Variants in SEL1L3 observed in about 807,000 individuals in gnomAD.
SEL1L3 encodes the protein protein sel-1 homolog 3.
A neutral mutation model predicts 142.8 loss-of-function variants in SEL1L3; 76 were observed. That is an observed-to-expected ratio of 0.53 (90% CI 0.44 to 0.64). The LOEUF is 0.64. Ranked by LOEUF, SEL1L3 falls within the 30% of genes least tolerant of loss-of-function variation. The pLI is 0.00. For missense variants in SEL1L3, 1,262 were observed against 1,381.7 expected, an observed-to-expected ratio of 0.91 and a Z score of 1.37; for synonymous variants, 504 against 519.6, an observed-to-expected ratio of 0.97 and a Z score of 0.41.
rs1312834550 is a variant in SEL1L3, at chr4:25,779,134, G to A, written c.2527C>T (p.Leu843Phe). ...GHMEGTLWCSLYYITGNLETF... is the reference protein window; with the variant it reads ...GHMEGTLWCSFYYITGNLETF... Reference sequence around the variant, plus strand: ...TCCAGGTTGCCTGTGATATAGTAGAGAGAACACCACAAGGTCCCTTCCATG... The same window carrying A: ...TCCAGGTTGCCTGTGATATAGTAGAAAGAACACCACAAGGTCCCTTCCATG... Residue 843 changes from leucine to phenylalanine, a missense_variant, in exon 16 of 24, where the codon CTC (leucine) becomes TTC (phenylalanine). Physicochemically the swap from Leu to Phe is conservative, Grantham distance 22. Around this residue, in one of 3 missense-constraint regions of SEL1L3, gnomAD observed 435 missense variants for 559.2 expected, o/e 0.78. Transcript: ENST00000399878. 2 of 1,613,620 alleles carry A rather than the reference G, an allele frequency of 1.2e-6. No individual in the cohort carries two copies. Among genetic ancestry groups the A allele is most frequent in the Non-Finnish European group, 8.5e-7 (1 of 1,179,608 alleles).
intron 6 of SEL1L3, among the ~76,000 whole-genome samples, chr4:25,826,868 TG>T (rs1331716380): frequency 6.6e-6 from 1 of 152,162 alleles, no homozygotes; most frequent in African/African-American, 2.4e-5. Context: ...TTCACCATGT[TG>T]CCCAGCCTGG....
At chr4:25,810,688 C>T (rs1286741759) in intron 9 of SEL1L3, among the ~76,000 whole-genome samples, 2 of 152,126 alleles carry the variant, frequency 1.3e-5, no homozygotes, top group Non-Finnish European at 2.9e-5. Flanking sequence ...CTTCCGGAGT[C>T]CTGAACGTGG....
chr4:25,835,358 TC>T (rs767968921), intron 2 of SEL1L3, 35 bp from the exon 3 acceptor site: 1 of 1,608,738 alleles, frequency 6.2e-7, no homozygotes. Flanking sequence ...TTCAATTATA[TC>T]CAGAAAAACA....
intron 10 of SEL1L3, 91 bp from the exon 11 acceptor site, chr4:25,802,553 A>G: frequency 9.5e-7 from 1 of 1,052,274 alleles, no homozygotes; most frequent in South Asian, 1.6e-5. Flanking sequence ...CAATTCCTAT[A>G]TACAATCCTA....
At chr4:25,819,412 G>A (rs1186920090) in intron 8 of SEL1L3, among the ~76,000 whole-genome samples, 1 of 152,158 alleles carries the variant, frequency 6.6e-6, no homozygotes, top group Non-Finnish European at 1.5e-5. Context: ...AGATATCAAT[G>A]GCCCAAAACA....
At chr4:25,833,675 T>C (rs1715590145) in intron 3 of SEL1L3, 106 bp from the exon 4 acceptor site, 2 of 1,039,900 alleles carry the variant, frequency 1.9e-6, no homozygotes, top group Non-Finnish European at 1.4e-6. Context: ...AATGAATGGA[T>C]GAATTTGCCT....
the SEL1L3 span, chr4:25,719,103 G>A: frequency 3.9e-5 from 6 of 152,268 alleles, no homozygotes; most frequent in African/African-American, 1.4e-4. Flanking sequence ...TTGAACCCGG[G>A]AGGCGTAGGT....
the SEL1L3 span, among the ~76,000 whole-genome samples, chr4:25,731,256 T>C: frequency 1.3e-5 from 2 of 152,222 alleles, no homozygotes; most frequent in African/African-American, 4.8e-5. Flanking sequence ...AAGATGTTTG[T>C]TTTACTGGCC....
chr4:25,728,429 G>A, the SEL1L3 span, among the ~76,000 whole-genome samples: 1 of 152,058 alleles, frequency 6.6e-6, no homozygotes, highest in Admixed American at 6.6e-5. Context: ...ATCAACAGCA[G>A]CCCTCTGCTC....
rs60024973 is a variant in SEL1L3, at chr4:25,811,748, GTTTTT to G, written c.1564+6385_1564+6389del. 3.1e-3 allele frequency among the ~76,000 whole-genome samples: 374 copies of G among 121,624 alleles called. 2 individuals carry two copies. Among genetic ancestry groups the G allele is most frequent in the African/African-American group, 0.011 (361 of 33,290 alleles). 79.8% of individuals were successfully genotyped at this position (121,624 alleles called of 152,430 possible). On this transcript the variant is annotated intron_variant, in intron 9 of 23. Coordinates refer to ENST00000399878, the MANE Select transcript of SEL1L3 (RefSeq NM_015187.5). The stretch of plus-strand genomic sequence containing the variant: ...TATCTTTGAGGAGTTTTCTTTTCCT[GTTTTT>G]TTTTTTTTTTTTTGTTGTTGTTGTT...
chr4:25,757,647 C>T, intron 22 of SEL1L3, 41 bp from the exon 23 acceptor site: 3 of 1,561,488 alleles, frequency 1.9e-6, no homozygotes, highest in Non-Finnish European at 2.6e-6. Context: ...TGACAAAGGG[C>T]AGGGGCCACA....
chr4:25,714,555 C>CTTG, the SEL1L3 span, among the ~76,000 whole-genome samples: 20 of 65,816 alleles, frequency 3.0e-4, no homozygotes, highest in South Asian at 1.7e-3. Flanking sequence ...TTTCTTTCTT[C>CTTG]TTTCTTTCTT....
chr4:25,862,575 C>T (rs1411397438), intron 1 of SEL1L3, 100 bp downstream of exon 1: 5 of 539,058 alleles, frequency 9.3e-6, no homozygotes, highest in Non-Finnish European at 1.3e-5. Context: ...AAACTAGCAG[C>T]GGCGTCCCCG....
the SEL1L3 span, among the ~76,000 whole-genome samples, chr4:25,714,582 T>C: frequency 1.3e-5 from 2 of 149,740 alleles, no homozygotes; most frequent in Non-Finnish European, 3.0e-5. Flanking sequence ...TTTTTCTTTT[T>C]TTTTTTTGAG....
At chr4:25,832,914 G>C (rs1489725139) in intron 5 of SEL1L3, 81 bp downstream of exon 5, 2 of 844,794 alleles carry the variant, frequency 2.4e-6, no homozygotes, top group Non-Finnish European at 3.9e-6. Context: ...TGCAGATTTT[G>C]TTGCTCCCCG....
chr4:25,806,665 C>T (rs147412408), intron 9 of SEL1L3, among the ~76,000 whole-genome samples: 6 of 152,256 alleles, frequency 3.9e-5, no homozygotes, highest in African/African-American at 1.4e-4. Context: ...CCACCTCCAC[C>T]AGCTCTAAGG....
At chr4:25,841,978 C>T (rs539835763) in intron 2 of SEL1L3, among the ~76,000 whole-genome samples, 1 of 152,144 alleles carries the variant, frequency 6.6e-6, no homozygotes, top group South Asian at 2.1e-4. Flanking sequence ...TAGATAACCA[C>T]GTAAACCACA....
At chr4:25,759,166 T>C (rs1339929977) in intron 20 of SEL1L3, 98 bp from the exon 21 acceptor site, 1 of 1,378,290 alleles carries the variant, frequency 7.3e-7, no homozygotes, top group Non-Finnish European at 9.8e-7. Context: ...CTCTAAAATT[T>C]TTTTTAAGTC....
the SEL1L3 span, among the ~76,000 whole-genome samples, chr4:25,730,711 C>T: frequency 6.6e-6 from 1 of 152,152 alleles, no homozygotes; most frequent in Non-Finnish European, 1.5e-5. Flanking sequence ...ACAGGCCCCA[C>T]TTCCGGCTTT....
Sources: gnomAD v4.1 joint callset for allele counts (sites outside exome capture counted in the v4.1 genomes callset) on GRCh38, gnomAD v4.1.1 for gene constraint, gnomAD v4.1.1 regional missense constraint, MANE v1.5 for transcripts, NCBI Gene and HGNC (gene_info 2026-07-23, HGNC 2026-07-21) for gene names.